AFAP1: variants seen among roughly 807,000 people sequenced by gnomAD.
AFAP1 encodes the protein actin filament-associated protein 1.
In AFAP1, 75 loss-of-function variants were observed where a neutral mutation model predicts 93.9. The ratio of observed to expected loss-of-function variants is 0.80; its 90% CI spans 0.66 to 0.97. The LOEUF (loss-of-function observed/expected upper bound fraction) is 0.97. AFAP1 is among the 50% of genes least tolerant of loss of function. AFAP1 has a pLI of 0.00. For synonymous variants in AFAP1, 517 were observed against 430.7 expected (o/e 1.20, Z -2.48); for missense variants, 1,201 against 1,050.8 (o/e 1.14, Z -1.98).
intron 1 of AFAP1, among the ~76,000 whole-genome samples, chr4:7,881,169 T>C (rs1717821012): frequency 6.6e-6 from 1 of 151,998 alleles, no homozygotes; most frequent in Non-Finnish European, 1.5e-5. Context: ...GTGGGAACAG[T>C]ATGTGCATTT....
At chr4:7,853,863 GC>G (rs1273496813) in intron 4 of AFAP1, among the ~76,000 whole-genome samples, 1 of 152,152 alleles carries the variant, frequency 6.6e-6, no homozygotes, top group Non-Finnish European at 1.5e-5. Context: ...AAGCCACTGT[GC>G]GCCATCACTG....
intron 1 of AFAP1, among the ~76,000 whole-genome samples, chr4:7,886,678 T>C (rs1379522973): frequency 6.6e-6 from 1 of 152,174 alleles, no homozygotes; most frequent in Non-Finnish European, 1.5e-5. Flanking sequence ...TATCCTTCTA[T>C]TGTTCTGTAG....
chr4:7,883,635 A>G (rs1717977484), intron 1 of AFAP1, among the ~76,000 whole-genome samples: 1 of 152,242 alleles, frequency 6.6e-6, no homozygotes, highest in Non-Finnish European at 1.5e-5. Context: ...GGAGACGTGA[A>G]AACTGTAGCT....
intron 1 of AFAP1, among the ~76,000 whole-genome samples, chr4:7,933,048 G>GGA (rs1553858317): frequency 6.7e-6 from 1 of 148,932 alleles, no homozygotes; most frequent in Admixed American, 6.7e-5. Flanking sequence ...AAAGGGGGGG[G>GGA]ATCTTCACGT....
intron 6 of AFAP1, among the ~76,000 whole-genome samples, chr4:7,828,939 G>C (rs1721661418): frequency 6.6e-6 from 1 of 152,198 alleles, no homozygotes; most frequent in Admixed American, 6.5e-5. Context: ...ATGTCTCATG[G>C]GAGGGACCCA....
At chr4:7,805,682 C>G (rs1719444711) in intron 9 of AFAP1, among the ~76,000 whole-genome samples, 1 of 152,186 alleles carries the variant, frequency 6.6e-6, no homozygotes, top group South Asian at 2.1e-4. Flanking sequence ...GAATGCATGG[C>G]ATTCAACAAG....
chr4:7,766,853 T>C (rs975671644), intron 17 of AFAP1, among the ~76,000 whole-genome samples: 2 of 152,008 alleles, frequency 1.3e-5, no homozygotes, highest in Non-Finnish European at 2.9e-5. Context: ...GGGCACGGGA[T>C]TGGAAGCCGT....
At chr4:7,841,337 G>C (rs969235828) in intron 5 of AFAP1, among the ~76,000 whole-genome samples, 1 of 152,214 alleles carries the variant, frequency 6.6e-6, no homozygotes, top group African/African-American at 2.4e-5. Flanking sequence ...TGGGGAGGGA[G>C]CTCTGCCTTG....
chr4:7,840,376 C>T (rs1486618397), intron 5 of AFAP1, among the ~76,000 whole-genome samples: 1 of 150,626 alleles, frequency 6.6e-6, no homozygotes, highest in Non-Finnish European at 1.5e-5. Flanking sequence ...TTCAGTGGCA[C>T]GATCTTGGCT....
chr4:7,816,092 GAC>G lies in AFAP1; in HGVS notation c.828_829del (p.Ser277PhefsTer20). ...CCCATCTGAGCTGGGTCTCTCTGAAGACAGTTTCTGTAAGGAGAAAAAGATTA... is the reference window on the plus strand; with the variant it reads ...CCCATCTGAGCTGGGTCTCTCTGAAGAGTTTCTGTAAGGAGAAAAAGATTA... On this transcript the variant is annotated frameshift_variant, in exon 8 of 18. Transcript: ENST00000420658. LOFTEE classifies it high-confidence loss of function. The G allele has an allele frequency of 6.2e-7, 1 of 1,611,528 alleles. No individual in the cohort carries two copies. Among genetic ancestry groups the G allele is most frequent in the Non-Finnish European group, 8.5e-7 (1 of 1,178,972 alleles).
At chr4:7,885,908 G>A (rs897466378) in intron 1 of AFAP1, among the ~76,000 whole-genome samples, 16 of 152,152 alleles carry the variant, frequency 1.1e-4, no homozygotes, top group African/African-American at 3.9e-4. Context: ...ATCAGAACTC[G>A]AGTGGCACTG....
intron 9 of AFAP1, among the ~76,000 whole-genome samples, chr4:7,804,710 A>T (rs192181517): frequency 1.0e-3 from 155 of 152,306 alleles, no homozygotes; most frequent in African/African-American, 3.6e-3. Context: ...AAGGGAAATG[A>T]TAGTGCCTGC....
intron 1 of AFAP1, among the ~76,000 whole-genome samples, chr4:7,878,617 C>A (rs1246759537): frequency 6.6e-6 from 1 of 152,152 alleles, no homozygotes; most frequent in African/African-American, 2.4e-5. Flanking sequence ...AGCTCCTTAC[C>A]GATGTTTAAT....
intron 1 of AFAP1, among the ~76,000 whole-genome samples, chr4:7,918,040 GA>G (rs1436386936): frequency 6.6e-6 from 1 of 152,234 alleles, no homozygotes; most frequent in Non-Finnish European, 1.5e-5. Flanking sequence ...CTGATGCCCA[GA>G]AAAGAACTAG....
intron 17 of AFAP1, among the ~76,000 whole-genome samples, chr4:7,767,522 C>T (rs1484591331): frequency 6.6e-6 from 1 of 152,176 alleles, no homozygotes; most frequent in African/African-American, 2.4e-5. Flanking sequence ...CAGTGGTCAC[C>T]AGCTGAGAAC....
intron 9 of AFAP1, among the ~76,000 whole-genome samples, chr4:7,806,348 C>A (rs948375077): frequency 6.6e-6 from 1 of 152,220 alleles, no homozygotes; most frequent in African/African-American, 2.4e-5. Context: ...CTGCAGAGAG[C>A]CTTCCCTCCC....
intron 10 of AFAP1, chr4:7,799,201 G>C (rs1158350491): frequency 3.8e-6 from 2 of 521,754 alleles, no homozygotes; most frequent in African/African-American, 2.1e-5. Context: ...GCCCATCTGA[G>C]CCCAGCCCTC....
At chr4:7,766,037 C>T (rs528261182) in intron 17 of AFAP1, among the ~76,000 whole-genome samples, 1 of 152,332 alleles carries the variant, frequency 6.6e-6, no homozygotes, top group South Asian at 2.1e-4. Flanking sequence ...CCGCATGCTG[C>T]ATACAATGAA....
At chr4:7,889,373 C>A (rs535620706) in intron 1 of AFAP1, among the ~76,000 whole-genome samples, 1 of 151,298 alleles carries the variant, frequency 6.6e-6, no homozygotes, top group African/African-American at 2.4e-5. Context: ...ATGGTGAAAC[C>A]CCATCTCTAC....
Sources: allele counts gnomAD v4.1 joint callset (sites outside exome capture counted in the v4.1 genomes callset), GRCh38; gene constraint gnomAD v4.1.1; transcripts MANE v1.5; gene names NCBI Gene and HGNC (gene_info 2026-07-23, HGNC 2026-07-21).